ROBO2: variants seen among roughly 807,000 people sequenced by gnomAD.
ROBO2 encodes the protein roundabout guidance receptor 2, also known as roundabout homolog 2.
In ROBO2, 53 loss-of-function variants were observed where a neutral mutation model predicts 160.8. The observed-to-expected ratio is 0.33, with a 90% CI of 0.26 to 0.41. The LOEUF (loss-of-function observed/expected upper bound fraction) is 0.41. ROBO2 is among the 10% of genes least tolerant of loss of function. The pLI, the probability that ROBO2 is intolerant of heterozygous loss-of-function variation, is 1.00. For missense variants in ROBO2, 1,577 were observed against 1,722.4 expected, an observed-to-expected ratio of 0.92 and a Z score of 1.49; for synonymous variants, 664 against 611.7, an observed-to-expected ratio of 1.09 and a Z score of -1.26.
intron 5 of ROBO2, among the ~76,000 whole-genome samples, chr3:77,516,794 T>A (rs1470572): frequency 6.6e-6 from 1 of 151,442 alleles, no homozygotes; most frequent in Non-Finnish European, 1.5e-5. Flanking sequence ...AACATTACTA[T>A]GCTTCTTGAT....
intron 2 of ROBO2, among the ~76,000 whole-genome samples, chr3:76,032,968 G>A (rs1420111364): frequency 6.6e-6 from 1 of 152,174 alleles, no homozygotes; most frequent in African/African-American, 2.4e-5. Context: ...ATATTGCAAT[G>A]TGTGATATAC....
chr3:77,558,505 A>G (rs549772177), intron 9 of ROBO2, among the ~76,000 whole-genome samples: 93 of 152,252 alleles, frequency 6.1e-4, no homozygotes, highest in Non-Finnish European at 1.2e-3. Flanking sequence ...TTCGCAAAAG[A>G]AATTGTAAGG....
intron 2 of ROBO2, among the ~76,000 whole-genome samples, chr3:76,606,241 C>G (rs913364863): frequency 7.9e-5 from 12 of 152,166 alleles, no homozygotes; most frequent in Non-Finnish European, 2.9e-5. Context: ...AACTACCAAT[C>G]CCCTGCCTCA....
chr3:77,298,287 G>C (rs1198154513), intron 2 of ROBO2, among the ~76,000 whole-genome samples: 2 of 152,122 alleles, frequency 1.3e-5, no homozygotes, highest in Non-Finnish European at 2.9e-5. Context: ...ATAACTCTTA[G>C]GAGTTCAAGC....
chr3:76,741,224 T>A (rs1012337515), intron 2 of ROBO2, among the ~76,000 whole-genome samples: 7 of 151,968 alleles, frequency 4.6e-5, no homozygotes, highest in African/African-American at 1.7e-4. Context: ...TGTGTTTAGC[T>A]CAAATCCAGA....
chr3:76,477,636 G>A (rs2078997999), intron 2 of ROBO2, among the ~76,000 whole-genome samples: 1 of 151,974 alleles, frequency 6.6e-6, no homozygotes, highest in Non-Finnish European at 1.5e-5. Flanking sequence ...TAAAAGGTAA[G>A]ATCTAACTGC....
rs376691155 is a variant in ROBO2, at chr3:77,025,493, G to C, written c.110-72521G>C. ...AGTGACTTGGAAATTTGGTTAACAT[G>C]ATAACTAACAAAAGTTTCTAAAAGA... On this transcript the variant is annotated intron_variant, in intron 2 of 26. Transcript: ENST00000487694. Among the ~76,000 whole-genome samples the C allele has an allele frequency of 3.9e-4, 60 of 152,284 alleles. No homozygotes were observed. In the East Asian group the frequency reaches 4.4e-3, roughly 11 times the overall value.
At chr3:76,018,071 C>A (rs1398083595) in intron 2 of ROBO2, among the ~76,000 whole-genome samples, 2 of 151,832 alleles carry the variant, frequency 1.3e-5, no homozygotes, top group African/African-American at 4.8e-5. Context: ...TAGGAAAATT[C>A]AGGGGTATGC....
chr3:77,108,162 ATACATATG>A (rs1351047849), intron 2 of ROBO2, among the ~76,000 whole-genome samples: 30 of 151,768 alleles, frequency 2.0e-4, no homozygotes, highest in African/African-American at 5.6e-4. Context: ...ATGTTTATAT[ATACATATG>A]TATACACATA....
chr3:76,752,055 A>G lies in ROBO2; in HGVS notation c.110-345959A>G, dbSNP rs147787300. 6.1e-3 allele frequency among the ~76,000 whole-genome samples: 935 copies of G among 152,290 alleles called. 31 individuals carry two copies. The highest frequency in any genetic ancestry group is 0.049 in the Admixed American group (748 of 15,282). On this transcript the variant is annotated intron_variant, in intron 2 of 26. Coordinates refer to the ROBO2 transcript ENST00000487694. ...TTGGAACCAACCCAAATGTCCATCA[A>G]TGATAGACTAGATTAAGAAAATGTG... is the stretch of plus-strand genomic sequence containing the variant.
intron 2 of ROBO2, among the ~76,000 whole-genome samples, chr3:76,212,843 CCTCT>C (rs113091456): frequency 2.0e-5 from 3 of 149,122 alleles, no homozygotes; most frequent in African/African-American, 4.9e-5. Context: ...ACCCATGGAG[CCTCT>C]CTCTCTCTCT....
At chr3:76,161,626 C>T (rs754032737) in intron 2 of ROBO2, among the ~76,000 whole-genome samples, 3 of 152,028 alleles carry the variant, frequency 2.0e-5, no homozygotes, top group African/African-American at 7.2e-5. Flanking sequence ...CTCTTTTTCT[C>T]GGAGATCTAT....
chr3:77,554,239 C>G (rs1356034311), intron 8 of ROBO2, among the ~76,000 whole-genome samples: 4 of 151,558 alleles, frequency 2.6e-5, no homozygotes, highest in Non-Finnish European at 5.9e-5. Flanking sequence ...ATTTTAAGTA[C>G]AGTGTTGAGA....
chr3:77,478,450 A>T (rs2084301711), intron 3 of ROBO2, among the ~76,000 whole-genome samples: 1 of 152,232 alleles, frequency 6.6e-6, no homozygotes, highest in Admixed American at 6.5e-5. Flanking sequence ...GAAATTTATA[A>T]TCAGATTCAT....
chr3:77,210,912 A>T (rs183404581), intron 2 of ROBO2, among the ~76,000 whole-genome samples: 56 of 152,218 alleles, frequency 3.7e-4, no homozygotes, highest in Admixed American at 3.9e-4. Flanking sequence ...TACAAAGGAC[A>T]TGAACTTATC....
chr3:76,829,882 G>C (rs2109298388), intron 2 of ROBO2, among the ~76,000 whole-genome samples: 1 of 152,130 alleles, frequency 6.6e-6, no homozygotes, highest in African/African-American at 2.4e-5. Flanking sequence ...TGACCAGGTT[G>C]GTTTCGAACC....
intron 2 of ROBO2, among the ~76,000 whole-genome samples, chr3:77,150,015 T>C (rs2077422113): frequency 6.6e-6 from 1 of 152,210 alleles, no homozygotes; most frequent in South Asian, 2.1e-4. Flanking sequence ...GATGATTATT[T>C]TATTTGTTCC....
intron 2 of ROBO2, among the ~76,000 whole-genome samples, chr3:76,303,503 AC>A (rs1355248950): frequency 4.6e-5 from 7 of 152,058 alleles, no homozygotes; most frequent in Admixed American, 4.6e-4. Flanking sequence ...AAATGCACGC[AC>A]CCAGGTCCTA....
chr3:75,948,323 A>G (rs11924204), intron 2 of ROBO2, among the ~76,000 whole-genome samples: 5,368 of 152,196 alleles, frequency 0.035, 323 homozygotes, highest in African/African-American at 0.12. Context: ...GTGTTTAAAA[A>G]GTGTAGAGTA....
Sources: allele counts gnomAD v4.1 joint callset (sites outside exome capture counted in the v4.1 genomes callset), GRCh38; gene constraint gnomAD v4.1.1; transcripts MANE v1.5; gene names NCBI Gene and HGNC (gene_info 2026-07-23, HGNC 2026-07-21).